Variants in TENM2 observed in about 807,000 individuals in gnomAD.
The protein encoded by TENM2 is teneurin-2.
In TENM2, 52 loss-of-function variants were observed where a neutral mutation model predicts 245.2. The observed-to-expected ratio is 0.21, with a 90% confidence interval of 0.17 to 0.27. The LOEUF (loss-of-function observed/expected upper bound fraction) is 0.27, where lower values mean the gene tolerates loss of function less well. Among genes scored for constraint, TENM2 ranks in the 10% least tolerant of loss-of-function variants. TENM2 has a pLI of 1.00. For synonymous variants in TENM2, 1,363 were observed against 1,438.9 expected (o/e 0.95, Z 1.19); for missense variants, 3,046 against 3,666.8 (o/e 0.83, Z 4.37).
At chr5:167,870,547 G>A (rs866959179) in intron 2 of TENM2, among the ~76,000 whole-genome samples, 17 of 129,650 alleles carry the variant, frequency 1.3e-4, no homozygotes, top group Middle Eastern at 4.2e-3. Flanking sequence ...TTAAAAGAAT[G>A]TGTATACATA....
the TENM2 span, among the ~76,000 whole-genome samples, chr5:166,991,372 GT>G: frequency 5.4e-5 from 8 of 147,870 alleles, no homozygotes; most frequent in South Asian, 2.1e-4. Flanking sequence ...TGTGCGTATG[GT>G]TTTTTTTTTC....
intron 2 of TENM2, among the ~76,000 whole-genome samples, chr5:167,471,477 G>T (rs553588312): frequency 7.0e-4 from 106 of 152,238 alleles, no homozygotes; most frequent in African/African-American, 2.5e-3. Flanking sequence ...GTAACGAAAG[G>T]TACAATAATG....
intron 2 of TENM2, among the ~76,000 whole-genome samples, chr5:167,707,167 G>A: frequency 6.6e-6 from 1 of 151,962 alleles, no homozygotes; most frequent in Non-Finnish European, 1.5e-5. Context: ...GATTAATGAT[G>A]CTGGGCACCT....
At position 167,417,744 on chromosome 5, in the gene TENM2, G is replaced by A. The variant is rs184063251; in HGVS notation, c.502+42271G>A. 2.0e-4 allele frequency among the ~76,000 whole-genome samples: 31 copies of A among 152,220 alleles called. No homozygotes were observed. In the East Asian group the frequency reaches 5.2e-3, roughly 26 times the overall value. On this transcript the variant is annotated intron_variant, in intron 2 of 28. Transcript: ENST00000518659. ...TGAAGGTGTAAGAGGAAGAGCCAGGGCCCAAAAGTAGGTCTGTCTGACTTT... is the reference window on the plus strand; with the variant it reads ...TGAAGGTGTAAGAGGAAGAGCCAGGACCCAAAAGTAGGTCTGTCTGACTTT...
In TENM2 at chr5:168,060,227, GAAAAAAAA is replaced by G. The variant is rs79503783; in HGVS notation, c.1310-1825_1310-1818del. On this transcript the variant is annotated intron_variant, in intron 6 of 28. Transcript: ENST00000518659. ...CAACATAGTGACACCTTGTCTCTACGAAAAAAAAAAAAAAAGAAAAAAGAAAAAAACTT... is the reference window on the plus strand; with the variant it reads ...CAACATAGTGACACCTTGTCTCTACGAAAAAAAGAAAAAAGAAAAAAACTT... Among the ~76,000 whole-genome samples the G allele has an allele frequency of 1.2e-3, 148 of 119,642 alleles. No homozygotes were observed. The Middle Eastern group carries it at 0.013, about 10-fold the overall frequency. 78.5% of individuals were successfully genotyped at this position (119,642 alleles called of 152,430 possible).
At chr5:168,054,085 G>A (rs982325737) in intron 6 of TENM2, among the ~76,000 whole-genome samples, 1 of 152,226 alleles carries the variant, frequency 6.6e-6, no homozygotes, top group South Asian at 2.1e-4. Flanking sequence ...ATAAATACTT[G>A]TTAACGTTCC....
At chr5:168,196,842 C>T (rs1761471533) in intron 15 of TENM2, among the ~76,000 whole-genome samples, 1 of 152,138 alleles carries the variant, frequency 6.6e-6, no homozygotes, top group Admixed American at 6.5e-5. Flanking sequence ...TTTCTGAGTC[C>T]CTGATGTGCT....
chr5:167,449,827 G>A (rs541767170), intron 2 of TENM2, among the ~76,000 whole-genome samples: 15 of 152,174 alleles, frequency 9.9e-5, no homozygotes, highest in East Asian at 3.9e-4. Context: ...GCATAGTGGC[G>A]CGTACCTTTA....
At chr5:167,268,478 G>A in the TENM2 span, among the ~76,000 whole-genome samples, 2 of 152,090 alleles carry the variant, frequency 1.3e-5, no homozygotes, top group African/African-American at 4.8e-5. Flanking sequence ...TGCCTTGTTT[G>A]TGTTAATTCA....
At chr5:167,445,153 A>G (rs2127464908) in intron 2 of TENM2, among the ~76,000 whole-genome samples, 1 of 152,096 alleles carries the variant, frequency 6.6e-6, no homozygotes, top group East Asian at 1.9e-4. Flanking sequence ...GCATCTTTTG[A>G]TATCCCTACA....
chr5:167,508,201 G>C (rs548931488), intron 2 of TENM2, among the ~76,000 whole-genome samples: 8 of 152,232 alleles, frequency 5.3e-5, no homozygotes, highest in African/African-American at 1.9e-4. Flanking sequence ...AGCATTTTCA[G>C]CTTTGAAAGG....
chr5:167,610,008 C>A (rs1057190802), intron 2 of TENM2, among the ~76,000 whole-genome samples: 2 of 152,112 alleles, frequency 1.3e-5, no homozygotes, highest in Non-Finnish European at 1.5e-5. Context: ...GTGACGTACA[C>A]TTTTGATCGG....
In TENM2 at chr5:167,545,824, C is replaced by T. The variant is rs564119683; in HGVS notation, c.502+170351C>T. Among the ~76,000 whole-genome samples the T allele has an allele frequency of 7.2e-5, 11 of 152,256 alleles. No homozygotes were observed. In the South Asian group the frequency reaches 8.3e-4, roughly 11 times the overall value. On this transcript the variant is annotated intron_variant, in intron 2 of 28. Transcript: ENST00000518659. ...CAGGCTGTTGGACAAGGTTCCTTTT[C>T]GTGCCCTCCATGAGTAAATTTGACC... is the stretch of plus-strand genomic sequence containing the variant.
At chr5:167,883,228 A>G (rs1037665807) in intron 3 of TENM2, among the ~76,000 whole-genome samples, 16 of 152,210 alleles carry the variant, frequency 1.1e-4, no homozygotes, top group African/African-American at 3.9e-4. Context: ...GGCCTCCTAA[A>G]CAAGGTCTCC....
chr5:168,034,163 G>GTA (rs1229387050), intron 5 of TENM2, among the ~76,000 whole-genome samples: 87 of 97,664 alleles, frequency 8.9e-4, no homozygotes, highest in African/African-American at 2.7e-3. Context: ...ATATATATAT[G>GTA]TATATATATA....
chr5:167,041,740 G>A, the TENM2 span, among the ~76,000 whole-genome samples: 3 of 151,848 alleles, frequency 2.0e-5, no homozygotes. Context: ...CAGGTTTTAG[G>A]GCCTCTAAGT....
intron 2 of TENM2, among the ~76,000 whole-genome samples, chr5:167,799,861 A>G (rs1165522231): frequency 6.6e-6 from 1 of 152,208 alleles, no homozygotes; most frequent in African/African-American, 2.4e-5. Flanking sequence ...TATCAGACTC[A>G]TGGGAGATGT....
intron 1 of TENM2, among the ~76,000 whole-genome samples, chr5:167,301,849 T>C (rs1292024171): frequency 6.6e-6 from 1 of 152,074 alleles, no homozygotes; most frequent in East Asian, 1.9e-4. Context: ...GGGGGAGGGC[T>C]AGTCACAGAA....
chr5:168,106,990 G>A (rs1794294590), intron 9 of TENM2, among the ~76,000 whole-genome samples: 1 of 152,158 alleles, frequency 6.6e-6, no homozygotes, highest in African/African-American at 2.4e-5. Context: ...AACCAAGGAG[G>A]TGGAGGTTGC....
Sources: gnomAD v4.1 joint callset for allele counts (sites outside exome capture counted in the v4.1 genomes callset) on GRCh38, gnomAD v4.1.1 for gene constraint, MANE v1.5 for transcripts, NCBI Gene and HGNC (gene_info 2026-07-23, HGNC 2026-07-21) for gene names.